DLG2: variants seen among roughly 807,000 people sequenced by gnomAD.
The protein encoded by DLG2 is discs large MAGUK scaffold protein 2.
DLG2 carries 45 observed loss-of-function variants against 132.5 expected under a neutral mutation model. The observed-to-expected ratio is 0.34, with a 90% CI of 0.27 to 0.44. The LOEUF (loss-of-function observed/expected upper bound fraction) is 0.44. Ranked by LOEUF, DLG2 falls within the 20% of genes least tolerant of loss-of-function variation. The pLI is 1.00. For missense variants in DLG2, 1,045 were observed against 1,196.9 expected (o/e 0.87, Z 1.87); for synonymous variants, 424 against 419.6 (o/e 1.01, Z -0.13).
intron 20 of DLG2, among the ~76,000 whole-genome samples, chr11:83,533,011 G>A (rs1011002105): frequency 6.6e-6 from 1 of 150,914 alleles, no homozygotes; most frequent in Non-Finnish European, 1.5e-5. Context: ...TCACGTCATG[G>A]TATTTGTAAG....
intron 4 of DLG2, among the ~76,000 whole-genome samples, chr11:85,267,325 C>T (rs1314237405): frequency 6.6e-6 from 1 of 152,214 alleles, no homozygotes; most frequent in Non-Finnish European, 1.5e-5. Context: ...GCCCCTACAA[C>T]TGTGAGAAAT....
intron 17 of DLG2, among the ~76,000 whole-genome samples, chr11:83,817,042 A>C (rs992770156): frequency 6.6e-6 from 1 of 152,186 alleles, no homozygotes; most frequent in Non-Finnish European, 1.5e-5. Flanking sequence ...TACTGACTTA[A>C]AATAGTAATC....
intron 11 of DLG2, among the ~76,000 whole-genome samples, chr11:83,996,737 T>C (rs530226326): frequency 6.6e-6 from 1 of 152,256 alleles, no homozygotes; most frequent in East Asian, 1.9e-4. Flanking sequence ...ACATCTCATG[T>C]TCTCACTTAG....
At chr11:84,942,133 CTT>C (rs753538250) in intron 6 of DLG2, among the ~76,000 whole-genome samples, 8 of 152,030 alleles carry the variant, frequency 5.3e-5, no homozygotes, top group Non-Finnish European at 1.0e-4. Flanking sequence ...TTAATTGAAT[CTT>C]TTTTTCTTAG....
rs1555101664 is a variant in DLG2, at chr11:83,874,246, G to GGAAGGAGAGAGGGAA, written c.1565+173_1565+174insTTCCCTCTCTCCTTC. Among the ~76,000 whole-genome samples, 16 of 144,084 alleles carry GGAAGGAGAGAGGGAA rather than the reference G, an allele frequency of 1.1e-4. No homozygotes were observed. The South Asian group carries it at 2.5e-3, about 23-fold the overall frequency. 94.5% of individuals were successfully genotyped at this position (144,084 alleles called of 152,430 possible). A position where few individuals can be genotyped will look rare whatever the true frequency, so the allele number is the denominator to read the frequency against. On this transcript the variant is annotated intron_variant, in intron 16 of 27. Coordinates refer to ENST00000376104, the MANE Select transcript of DLG2 (RefSeq NM_001142699.3). ...GAAAGAAAGAAAGACAAAGAAAGAA[G>GGAAGGAGAGAGGGAA]GGAAGGAAGGAAGGAAAGAAGGAAG...
rs139161810 is a variant in DLG2, at chr11:83,798,627, A to G, written c.1723-11835T>C. 9.5e-3 allele frequency among the ~76,000 whole-genome samples: 1,442 copies of G among 152,316 alleles called. 23 individuals are homozygous for G. Among genetic ancestry groups the G allele is most frequent in the African/African-American group, 0.033 (1,371 of 41,558 alleles). ...ATTTCAATTAAAATGAGACAGGTAC[A>G]GAACACAGGGGACTGTTTCAAGCCA... On this transcript the variant is annotated intron_variant, in intron 17 of 27. Coordinates refer to ENST00000376104, the MANE Select transcript of DLG2 (RefSeq NM_001142699.3).
chr11:85,313,182 C>G (rs768382568), intron 3 of DLG2, among the ~76,000 whole-genome samples: 5 of 151,838 alleles, frequency 3.3e-5, no homozygotes, highest in Non-Finnish European at 5.9e-5. Flanking sequence ...CAGGTGATCC[C>G]CCTTCCTCTT....
chr11:83,953,139 T>C (rs1011733604), intron 14 of DLG2, among the ~76,000 whole-genome samples: 2 of 152,196 alleles, frequency 1.3e-5, no homozygotes, highest in African/African-American at 4.8e-5. Flanking sequence ...ATTGATAGTG[T>C]CGTAAGAATG....
Position 83,458,084 on chromosome 11 carries a change from A to G in DLG2, c.*1734T>C, listed in dbSNP as rs1351047962. 6.6e-6 allele frequency: 1 copy of G among 152,604 alleles called. No individual in the cohort carries two copies. Among genetic ancestry groups the G allele is most frequent in the Non-Finnish European group, 1.5e-5 (1 of 68,044 alleles). 9.5% of individuals were successfully genotyped at this position (152,604 alleles called of 1,614,324 possible). A position where few individuals can be genotyped will look rare whatever the true frequency, so the allele number is the denominator to read the frequency against. ...TATCTCTTGCTCTCCTACCCAGCCT[A>G]CATGCTGGTTTGCTGCACAGTGTGG... is the stretch of plus-strand genomic sequence containing the variant. On this transcript the variant is annotated 3_prime_UTR_variant, in exon 28 of 28. Coordinates refer to ENST00000376104, the MANE Select transcript of DLG2 (RefSeq NM_001142699.3).
chr11:84,398,596 T>C (rs2098818891), intron 7 of DLG2, among the ~76,000 whole-genome samples: 1 of 152,212 alleles, frequency 6.6e-6, no homozygotes, highest in Non-Finnish European at 1.5e-5. Context: ...AAAACCTCTG[T>C]TCATGTTAAG....
At chr11:83,737,220 G>C (rs1188539350) in intron 18 of DLG2, among the ~76,000 whole-genome samples, 1 of 152,174 alleles carries the variant, frequency 6.6e-6, no homozygotes, top group Non-Finnish European at 1.5e-5. Context: ...GATTTTAGGT[G>C]TGAAGCTGTA....
At chr11:84,763,119 G>A (rs12275985) in intron 6 of DLG2, among the ~76,000 whole-genome samples, 10,102 of 152,178 alleles carry the variant, frequency 0.066, 397 homozygotes, top group Non-Finnish European at 0.094. Flanking sequence ...GACAGAGTCC[G>A]TATCTGTCTA....
chr11:84,334,015 G>C (rs2154402649), intron 7 of DLG2, among the ~76,000 whole-genome samples: 1 of 152,246 alleles, frequency 6.6e-6, no homozygotes, highest in South Asian at 2.1e-4. Context: ...CCTGTAGAGG[G>C]GAGAGACACT....
At chr11:84,997,937 G>A (rs942774952) in intron 6 of DLG2, among the ~76,000 whole-genome samples, 18 of 152,144 alleles carry the variant, frequency 1.2e-4, no homozygotes, top group Non-Finnish European at 4.4e-5. Context: ...AAATCCAGTT[G>A]CTGCTCTACC....
intron 3 of DLG2, among the ~76,000 whole-genome samples, chr11:85,390,258 G>A (rs540295741): frequency 2.6e-5 from 4 of 151,956 alleles, no homozygotes; most frequent in Admixed American, 2.0e-4. Flanking sequence ...AAAAAAAGGA[G>A]AGACATTATA....
At chr11:84,779,544 G>A (rs1465314719) in intron 6 of DLG2, among the ~76,000 whole-genome samples, 2 of 152,042 alleles carry the variant, frequency 1.3e-5, no homozygotes, top group Non-Finnish European at 1.5e-5. Context: ...CAATTTGGAT[G>A]CCTTTTCTTT....
intron 9 of DLG2, among the ~76,000 whole-genome samples, chr11:84,154,956 C>G (rs922771706): frequency 3.3e-5 from 5 of 152,108 alleles, no homozygotes; most frequent in African/African-American, 1.2e-4. Flanking sequence ...GCAAAAGAAA[C>G]TACCATCAGA....
chr11:84,384,350 T>C (rs2098760336), intron 7 of DLG2, among the ~76,000 whole-genome samples: 1 of 152,022 alleles, frequency 6.6e-6, no homozygotes, highest in African/African-American at 2.4e-5. Context: ...TCTTACATAA[T>C]TTCTCATGGT....
chr11:85,134,406 G>A (rs954685330), intron 5 of DLG2, among the ~76,000 whole-genome samples: 37 of 148,768 alleles, frequency 2.5e-4, no homozygotes, highest in Non-Finnish European at 9.0e-5. Flanking sequence ...GCGGGCGCCT[G>A]TAGTCCCAGC....
Sources: gnomAD v4.1 joint callset for allele counts (sites outside exome capture counted in the v4.1 genomes callset) on GRCh38, gnomAD v4.1.1 for gene constraint, MANE v1.5 for transcripts, NCBI Gene and HGNC (gene_info 2026-07-23, HGNC 2026-07-21) for gene names.